Variants in WDR47 observed in about 807,000 individuals in gnomAD.
WDR47 encodes WD repeat domain 47.
In WDR47, 32 loss-of-function variants were observed where a neutral mutation model predicts 97.2. The ratio of observed to expected loss-of-function variants is 0.33; its 90% CI spans 0.25 to 0.44. WDR47 has a LOEUF of 0.44. Among genes scored for constraint, WDR47 ranks in the 20% least tolerant of loss-of-function variants. The pLI is 1.00. For missense variants in WDR47, 782 were observed against 1,102.3 expected, an observed-to-expected ratio of 0.71 and a Z score of 4.11; for synonymous variants, 375 against 373.5, an observed-to-expected ratio of 1.00 and a Z score of -0.05.
chr1:109,004,449 G>C, intron 6 of WDR47, 143 bp downstream of exon 6: 1 of 1,061,242 alleles, frequency 9.4e-7, no homozygotes, highest in Non-Finnish European at 1.3e-6. Flanking sequence ...AGAGAGGAGA[G>C]AAAATAAGCT....
intron 12 of WDR47, 79 bp downstream of exon 12, chr1:108,982,530 A>T (rs1219821349): frequency 2.0e-6 from 3 of 1,495,982 alleles, no homozygotes; most frequent in Non-Finnish European, 2.7e-6. Flanking sequence ...CCTGTCTCTT[A>T]GAAAAGAAAA....
chr1:109,013,960 T>C (rs1334678428), intron 3 of WDR47, 35 bp from the exon 4 acceptor site: 2 of 1,487,496 alleles, frequency 1.3e-6, no homozygotes, highest in African/African-American at 1.4e-5. Context: ...ATTTTTCCAA[T>C]GTCTGATGTC....
At position 109,013,675 on chromosome 1, in the gene WDR47, A is replaced by G. The variant is rs1661206657; in HGVS notation, c.327+166T>C. On this transcript the variant is annotated intron_variant, in intron 4 of 14. Transcript: ENST00000369962. The stretch of plus-strand genomic sequence containing the variant: ...GCTTAAACCATGGAACAAGTTTAGA[A>G]GCGCTACAGAATGAAAATACTACAC... The G allele has an allele frequency of 2.2e-5, 14 of 641,970 alleles. No individual in the cohort carries two copies. The South Asian group carries it at 2.9e-4, about 13-fold the overall frequency. The allele number at this position is 641,970 out of a possible 1,614,324, so 39.8% of individuals were successfully genotyped here.
chr1:108,981,581 G>C, intron 13 of WDR47, 152 bp downstream of exon 13: 1 of 716,684 alleles, frequency 1.4e-6, no homozygotes, highest in Non-Finnish European at 2.1e-6. Flanking sequence ...GGTAACAAAT[G>C]CAAGTATTGT....
At chr1:108,978,794 G>C (rs775716505) in intron 13 of WDR47, among the ~76,000 whole-genome samples, 9 of 152,170 alleles carry the variant, frequency 5.9e-5, no homozygotes, top group Non-Finnish European at 1.0e-4. Context: ...AGCAAAATTA[G>C]GATATAAAAG....
rs776862464 is a variant in WDR47, at chr1:108,981,809, T to C, written c.2322A>G (p.Gln774=). ...WSGWMIASGS[Q]DKTVRFWDLR... is the part of the protein sequence containing the mutation. ...GATCCCAAAATCTAACAGTCTTATC[T>C]TGGGAACCAGATGCAATCATCCAGC... Residue 774 remains glutamine (Q), a synonymous_variant, in exon 13 of 15, where the codon CAA becomes CAG. Coordinates refer to ENST00000369962, the MANE Select transcript of WDR47 (RefSeq NM_001142551.2). 6.2e-7 allele frequency: 1 copy of C among 1,614,038 alleles called. No individual in the cohort carries two copies. Among genetic ancestry groups the C allele is most frequent in the South Asian group, 1.1e-5 (1 of 91,078 alleles).
At chr1:109,018,072 A>C (rs575980729) in intron 2 of WDR47, among the ~76,000 whole-genome samples, 5 of 152,108 alleles carry the variant, frequency 3.3e-5, no homozygotes, top group Admixed American at 2.6e-4. Context: ...ACTTATTTGT[A>C]ACAACATACA....
At chr1:109,039,778 T>C (rs1663216533) in intron 1 of WDR47, among the ~76,000 whole-genome samples, 1 of 151,976 alleles carries the variant, frequency 6.6e-6, no homozygotes, top group African/African-American at 2.4e-5. Context: ...TGGCTCAAGC[T>C]TGTAATCCCA....
At chr1:108,994,699 T>C (rs921225396) in intron 8 of WDR47, among the ~76,000 whole-genome samples, 1 of 152,152 alleles carries the variant, frequency 6.6e-6, no homozygotes, top group African/African-American at 2.4e-5. Flanking sequence ...GTACTATTTG[T>C]CTTTTGAAAC....
In WDR47 at chr1:108,981,131, A is replaced by AG. The variant is rs544058428; in HGVS notation, c.2398+601_2398+602insC. Among the ~76,000 whole-genome samples the AG allele has an allele frequency of 1.3e-4, 20 of 152,162 alleles. 1 individual carries two copies. The South Asian group carries it at 3.1e-3, about 24-fold the overall frequency. ...CGACAGTGTGAGATTCCATCTCAAA[A>AG]AAAAAAAAAACCAAAGAGGTGGTAC... On this transcript the variant is annotated intron_variant, in intron 13 of 14. Coordinates refer to ENST00000369962, the MANE Select transcript of WDR47 (RefSeq NM_001142551.2).
chr1:109,020,979 T>C (rs1661796832), intron 2 of WDR47, among the ~76,000 whole-genome samples: 1 of 151,582 alleles, frequency 6.6e-6, no homozygotes, highest in Non-Finnish European at 1.5e-5. Context: ...CTCTGCCTCC[T>C]GGGAGGAACA....
At chr1:109,008,957 C>A (rs568752534) in intron 5 of WDR47, among the ~76,000 whole-genome samples, 14 of 152,000 alleles carry the variant, frequency 9.2e-5, no homozygotes, top group African/African-American at 3.4e-4. Flanking sequence ...CAGTGGCGCA[C>A]GCCTGTAATC....
intron 8 of WDR47, chr1:108,992,920 AT>A: frequency 9.1e-6 from 9 of 983,970 alleles, no homozygotes; most frequent in South Asian, 1.5e-5. Context: ...GCTAAATAAT[AT>A]TTTTTTAATT....
At chr1:108,971,631 T>A in intron 14 of WDR47, 59 bp from the exon 15 acceptor site, 4 of 1,581,056 alleles carry the variant, frequency 2.5e-6, no homozygotes, top group Non-Finnish European at 3.5e-6. Context: ...ATAGATTGTA[T>A]AGACTTCCTG....
At chr1:108,987,483 T>G (rs1216254518) in intron 9 of WDR47, among the ~76,000 whole-genome samples, 1 of 151,748 alleles carries the variant, frequency 6.6e-6, no homozygotes, top group Non-Finnish European at 1.5e-5. Flanking sequence ...TTTGTTTGTT[T>G]TTGAGATGGA....
At chr1:109,010,617 C>A (rs1660972276) in intron 5 of WDR47, among the ~76,000 whole-genome samples, 1 of 132,518 alleles carries the variant, frequency 7.5e-6, no homozygotes, top group South Asian at 2.4e-4. Context: ...GAGTCTCACT[C>A]TGTGGCCCAG....
rs1279180935 is a variant in WDR47 at position 108,995,773 on chromosome 1, G to A, written c.1498C>T (p.Leu500Phe). Residue 500 changes from leucine (L) to phenylalanine (F), a missense_variant, in exon 8 of 15, where the codon CTC becomes TTC. This residue lies in a region of WDR47 where 126 missense variants were observed against 121.3 expected (regional missense o/e 1.04). Coordinates refer to ENST00000369962, the MANE Select transcript of WDR47 (RefSeq NM_001142551.2). ...TTGCTCCCATTACATTGCTGGTTGA[G>A]TGCTGATACCTCATTACCAAGGCCA... ...MDGLGNEVSA[L>F]NQQCNGSKGN... 1.2e-6 allele frequency: 2 copies of A among 1,614,000 alleles called. No homozygotes were observed. The highest frequency in any genetic ancestry group is 1.1e-5 in the South Asian group (1 of 91,096).
rs762897643 is a variant in WDR47 at position 109,004,683 on chromosome 1, C to A, written c.1163G>T (p.Gly388Val). The change falls in exon 6 of 15, where the codon GGC becomes GTC. Residue 388 changes from glycine to valine, a missense_variant. Transcript: ENST00000369962. ...DTPVDAQRPIGSEILGQSSVS... is the reference protein window; with the variant it reads ...DTPVDAQRPIVSEILGQSSVS... The stretch of plus-strand genomic sequence containing the variant: ...TGAACTCTGGCCCAAGATTTCACTG[C>A]CGATAGGCCTCTGTGCATCAACAGG... 5 of 1,613,030 alleles carry A rather than the reference C, an allele frequency of 3.1e-6. No individual in the cohort carries two copies. The Admixed American group carries it at 5.0e-5, about 16-fold the overall frequency.
chr1:109,029,969 T>A (rs1398959945), intron 1 of WDR47: 1 of 386,104 alleles, frequency 2.6e-6, no homozygotes, highest in Non-Finnish European at 4.6e-6. Flanking sequence ...AAAAACTTCA[T>A]GAAAAAATAT....
Sources: gnomAD v4.1 joint callset for allele counts (sites outside exome capture counted in the v4.1 genomes callset) on GRCh38, gnomAD v4.1.1 for gene constraint, gnomAD v4.1.1 regional missense constraint, MANE v1.5 for transcripts, NCBI Gene and HGNC (gene_info 2026-07-23, HGNC 2026-07-21) for gene names.